CSMD3: variants seen among roughly 807,000 people sequenced by gnomAD.
The protein encoded by CSMD3 is CUB and sushi domain-containing protein 3.
Under a neutral mutation model 435.2 loss-of-function variants are expected in CSMD3, and 177 were observed. The ratio of observed to expected loss-of-function variants is 0.41; its 90% confidence interval spans 0.36 to 0.46. The LOEUF (loss-of-function observed/expected upper bound fraction) is 0.46, where lower values mean the gene tolerates loss of function less well. Ranked by LOEUF, CSMD3 falls within the 20% of genes least tolerant of loss-of-function variation. CSMD3 has a pLI of 0.34. For synonymous variants in CSMD3, 1,656 were observed against 1,520.5 expected (o/e 1.09, Z -2.07); for missense variants, 4,265 against 4,504.6 (o/e 0.95, Z 1.52).
intron 13 of CSMD3, among the ~76,000 whole-genome samples, chr8:112,780,076 G>A (rs940419596): frequency 2.6e-5 from 4 of 151,942 alleles, no homozygotes; most frequent in African/African-American, 7.2e-5. Context: ...TTGACATTGA[G>A]GGGAAAACAC....
chr8:112,789,114 G>C (rs2078624847), intron 13 of CSMD3, among the ~76,000 whole-genome samples: 2 of 151,990 alleles, frequency 1.3e-5, no homozygotes, highest in Non-Finnish European at 2.9e-5. Context: ...CATCTCAAAA[G>C]ATACAAAAAT....
intron 13 of CSMD3, among the ~76,000 whole-genome samples, chr8:112,769,114 G>A (rs1471148919): frequency 1.3e-5 from 2 of 151,756 alleles, no homozygotes; most frequent in Admixed American, 1.3e-4. Context: ...TTACCACCTT[G>A]CTCTAATATG....
chr8:112,753,789 A>G lies in CSMD3; in HGVS notation c.1972+46373T>C, dbSNP rs139798020. On this transcript the variant is annotated intron_variant, in intron 13 of 70. Coordinates refer to ENST00000297405, the MANE Select transcript of CSMD3 (RefSeq NM_198123.2). ...TAACAGCAAAGAGTTTGCTCACCCAATGTATGAGGAGTTTTAAGGACAATC... is the reference window on the plus strand; with the variant it reads ...TAACAGCAAAGAGTTTGCTCACCCAGTGTATGAGGAGTTTTAAGGACAATC... Among the ~76,000 whole-genome samples, 106 of 152,290 alleles carry G rather than the reference A, an allele frequency of 7.0e-4. 2 individuals carry two copies. Among genetic ancestry groups the G allele is most frequent in the African/African-American group, 2.5e-3 (103 of 41,570 alleles).
chr8:112,556,931 C>A lies in CSMD3; in HGVS notation c.4066G>T (p.Asp1356Tyr), dbSNP rs1828173993. ...TATCCAAATTGTGGAATGCCAGGATCTTCACAGTGTGAGAGTTCAAAACCT... is the reference window on the plus strand; with the variant it reads ...TATCCAAATTGTGGAATGCCAGGATATTCACAGTGTGAGAGTTCAAAACCT... Reference protein sequence around the residue: ...YTSFELSHCEDPGIPQFGYKI... With the variant: ...YTSFELSHCEYPGIPQFGYKI... Residue 1356 changes from aspartate to tyrosine, a missense_variant, in exon 25 of 71, where the codon GAT becomes TAT. Coordinates refer to ENST00000297405, the MANE Select transcript of CSMD3 (RefSeq NM_198123.2). The A allele has an allele frequency of 1.2e-6, 2 of 1,611,814 alleles. No homozygotes were observed. Among genetic ancestry groups the A allele is most frequent in the Non-Finnish European group, 1.7e-6 (2 of 1,178,514 alleles).
chr8:112,625,261 AAGCCTT>A (rs1410027696), intron 22 of CSMD3, among the ~76,000 whole-genome samples: 3 of 152,098 alleles, frequency 2.0e-5, no homozygotes, highest in African/African-American at 7.2e-5. Context: ...GGTACAAGGC[AAGCCTT>A]AGTTCAGTAT....
At position 113,370,851 on chromosome 8, in the gene CSMD3, G is replaced by C. The variant is rs73341953; in HGVS notation, c.179-56058C>G. ...CCTGTTAAAAAAAATCTGCAGCTCT[G>C]AAGAGTTTGGTTGTATCATGAAGTT... On this transcript the variant is annotated intron_variant, in intron 1 of 70. Transcript: ENST00000297405. Among the ~76,000 whole-genome samples, 863 of 152,042 alleles carry C rather than the reference G, an allele frequency of 5.7e-3. 4 individuals are homozygous for C. The highest frequency in any genetic ancestry group is 0.02 in the African/African-American group (813 of 41,532).
At chr8:112,840,583 T>C (rs544299578) in intron 11 of CSMD3, among the ~76,000 whole-genome samples, 2 of 151,892 alleles carry the variant, frequency 1.3e-5, no homozygotes, top group African/African-American at 2.4e-5. Context: ...TTTAAGGTGA[T>C]AAATATAATA....
chr8:112,837,329 C>T (rs1302645092), intron 11 of CSMD3, among the ~76,000 whole-genome samples: 1 of 151,570 alleles, frequency 6.6e-6, no homozygotes, highest in East Asian at 1.9e-4. Context: ...TGATGTTTAA[C>T]CAAACAAATT....
At chr8:112,682,768 T>C (rs867014128) in intron 15 of CSMD3, 132 bp from the exon 16 acceptor site, 1 of 712,682 alleles carries the variant, frequency 1.4e-6, no homozygotes. Flanking sequence ...ACACAAGTTT[T>C]TATTTATTTA....
At chr8:113,348,169 TC>T (rs1388865517) in intron 1 of CSMD3, among the ~76,000 whole-genome samples, 5 of 152,182 alleles carry the variant, frequency 3.3e-5, no homozygotes, top group African/African-American at 9.6e-5. Context: ...ACTAGAATCT[TC>T]AATTATCATC....
At chr8:112,366,386 A>T (rs1183790524) in intron 38 of CSMD3, among the ~76,000 whole-genome samples, 2 of 151,992 alleles carry the variant, frequency 1.3e-5, no homozygotes, top group Non-Finnish European at 2.9e-5. Flanking sequence ...ATCATTAGGC[A>T]TTCATGGTTT....
chr8:112,426,758 A>G (rs574009583), intron 32 of CSMD3, among the ~76,000 whole-genome samples: 1 of 152,228 alleles, frequency 6.6e-6, no homozygotes, highest in East Asian at 1.9e-4. Flanking sequence ...TTTTTCCTTC[A>G]CTACTTTAGA....
At chr8:113,310,523 T>C (rs1273160852) in intron 2 of CSMD3, 1 of 151,780 alleles carries the variant, frequency 6.6e-6, no homozygotes, top group Non-Finnish European at 1.5e-5. Flanking sequence ...AAAATATTGA[T>C]ACATAGACAA....
chr8:112,608,816 C>T (rs1183287068), intron 22 of CSMD3, among the ~76,000 whole-genome samples: 2 of 151,986 alleles, frequency 1.3e-5, no homozygotes, highest in African/African-American at 4.8e-5. Context: ...ATGAAACTGG[C>T]TCTTTATCCT....
intron 7 of CSMD3, among the ~76,000 whole-genome samples, chr8:112,975,044 T>C (rs2130927210): frequency 6.6e-6 from 1 of 152,026 alleles, no homozygotes; most frequent in Admixed American, 6.6e-5. Context: ...TATACTACAT[T>C]GAATTTTTTT....
chr8:113,093,588 C>A (rs375244413), intron 5 of CSMD3, among the ~76,000 whole-genome samples: 1 of 151,834 alleles, frequency 6.6e-6, no homozygotes, highest in Admixed American at 6.6e-5. Context: ...GATTAGGGAG[C>A]AAAAATTGAT....
At chr8:113,203,443 AT>A (rs1293635308) in intron 3 of CSMD3, among the ~76,000 whole-genome samples, 39 of 146,180 alleles carry the variant, frequency 2.7e-4, no homozygotes, top group East Asian at 4.0e-4. Flanking sequence ...TGACCATCTA[AT>A]TTTTTTTTTT....
intron 6 of CSMD3, among the ~76,000 whole-genome samples, chr8:112,983,803 T>C (rs760505001): frequency 3.4e-4 from 52 of 151,950 alleles, no homozygotes; most frequent in Non-Finnish European, 5.7e-4. Flanking sequence ...AAAGAAGGTG[T>C]GGGTGGCTAG....
At position 113,098,977 on chromosome 8, in the gene CSMD3, CA is replaced by C. The variant is rs1395770907; in HGVS notation, c.710-15del. 3 of 1,527,254 alleles carry C rather than the reference CA, an allele frequency of 2.0e-6. No homozygotes were observed. Among genetic ancestry groups the C allele is most frequent in the Non-Finnish European group, 1.8e-6 (2 of 1,101,894 alleles). The allele number at this position is 1,527,254 out of a possible 1,614,324, so 94.6% of individuals were successfully genotyped here. ...AAGCATCTTCAGCTGTTAAAAATGACAAAATATTCAGTTGTAAGTTATTGAG... is the reference window on the plus strand; with the variant it reads ...AAGCATCTTCAGCTGTTAAAAATGACAAATATTCAGTTGTAAGTTATTGAG... On this transcript the variant is annotated splice_polypyrimidine_tract_variant and intron_variant, in intron 4 of 70. Coordinates refer to ENST00000297405, the MANE Select transcript of CSMD3 (RefSeq NM_198123.2).
Sources: gnomAD v4.1 joint callset for allele counts (sites outside exome capture counted in the v4.1 genomes callset) on GRCh38, gnomAD v4.1.1 for gene constraint, MANE v1.5 for transcripts, NCBI Gene and HGNC (gene_info 2026-07-23, HGNC 2026-07-21) for gene names.